Variants in EGFL6 observed in about 807,000 individuals in gnomAD.
EGFL6 encodes epidermal growth factor-like protein 6.
EGFL6 carries 42 observed loss-of-function variants against 43.1 expected under a neutral mutation model. That is an observed-to-expected ratio of 0.98 (90% confidence interval 0.76 to 1.26). The LOEUF (loss-of-function observed/expected upper bound fraction) is 1.26. EGFL6 is among the 50% of genes most tolerant of loss of function. EGFL6 has a pLI of 0.00. For missense variants in EGFL6, 429 were observed against 427.8 expected (o/e 1.00, Z -0.02); for synonymous variants, 164 against 163.2 (o/e 1.01, Z -0.04).
At chrX:13,580,878 A>G (rs1275943321) in intron 1 of EGFL6, among the ~76,000 whole-genome samples, 1 of 111,916 alleles carries the variant, frequency 8.9e-6, no homozygotes, top group Admixed American at 9.5e-5. Context: ...TCCATCTTCC[A>G]TCTTATATCA....
intron 6 of EGFL6, among the ~76,000 whole-genome samples, chrX:13,607,033 A>C (rs1246092041): frequency 2.7e-5 from 3 of 111,902 alleles, no homozygotes; most frequent in Non-Finnish European, 5.6e-5. Flanking sequence ...TCAAGCTCCA[A>C]ATATAATGTT....
Position 13,633,244 on chromosome X carries a change from G to C in EGFL6, c.*149G>C. The C allele has an allele frequency of 2.3e-6, 1 of 426,093 alleles. No individual in the cohort carries two copies. The allele number at this position is 426,093 out of a possible 1,213,427, so 35.1% of individuals were successfully genotyped here. ...ATTGTAAGATGCCTTTCTTGTATAA[G>C]ATATGCCAATATTTGCTTTAAATAT... On this transcript the variant is annotated 3_prime_UTR_variant, in exon 12 of 12. Transcript: ENST00000361306.
chrX:13,606,391 G>A lies in EGFL6; in HGVS notation c.533G>A (p.Cys178Tyr). 1 of 1,210,577 alleles carries A rather than the reference G, an allele frequency of 8.3e-7. No individual in the cohort carries two copies. Among genetic ancestry groups the A allele is most frequent in the Non-Finnish European group, 1.1e-6 (1 of 894,946 alleles). The change falls in exon 6 of 12, where the codon TGT becomes TAT. Residue 178 changes from cysteine (C) to tyrosine (Y), a missense_variant. Coordinates refer to ENST00000361306, the MANE Select transcript of EGFL6 (RefSeq NM_015507.4). ...TTTTACACCCTAGATATTGATGAAT[G>A]TGCCTCTGGTAAAGTCATCTGTCCC... ...NGRDCLDIDECASGKVICPYN... is the reference protein window; with the variant it reads ...NGRDCLDIDEYASGKVICPYN...
chrX:13,612,947 C>T lies in EGFL6; in HGVS notation c.778+4501C>T, dbSNP rs751352533. Among the ~76,000 whole-genome samples, 3 of 109,364 alleles carry T rather than the reference C, an allele frequency of 2.7e-5. No individual in the cohort carries two copies. In the East Asian group the frequency reaches 8.5e-4, roughly 31 times the overall value. 95.0% of individuals were successfully genotyped at this position (109,364 alleles called of 115,157 possible). On this transcript the variant is annotated intron_variant, in intron 7 of 11. Transcript: ENST00000361306. ...ATTGCCTGAGCTCAGGGGTGCAAGA[C>T]CAGCCTGGGCAACACGGTAAAACCC... is the stretch of plus-strand genomic sequence containing the variant.
chrX:13,629,782 T>C (rs1325116712), intron 11 of EGFL6, among the ~76,000 whole-genome samples: 2 of 111,919 alleles, frequency 1.8e-5, no homozygotes, highest in Non-Finnish European at 3.8e-5. Flanking sequence ...TAATCTTGGC[T>C]ATTTCCTCAT....
chrX:13,632,988 A>G lies in EGFL6; in HGVS notation c.1555A>G (p.Ile519Val). 3 of 1,207,886 alleles carry G rather than the reference A, an allele frequency of 2.5e-6. No individual in the cohort carries two copies. Among genetic ancestry groups the G allele is most frequent in the Non-Finnish European group, 3.4e-6 (3 of 893,606 alleles). The change falls in exon 12 of 12, where the codon ATT (isoleucine) becomes GTT (valine). Residue 519 changes from isoleucine to valine, a missense_variant. By Grantham distance (29) the Ile-to-Val change is conservative (BLOSUM62 3). Coordinates refer to ENST00000361306, the MANE Select transcript of EGFL6 (RefSeq NM_015507.4). ...TTTATTCTCTCTCCATTATTAGATC[A>G]TTTTTGAAGCAGAACGTGGCAAGGG... ...YQGTDATKSI[I>V]FEAERGKGKT...
chrX:13,577,296 TTTTATATA>T (rs1473719121), intron 1 of EGFL6, among the ~76,000 whole-genome samples: 2 of 6,240 alleles, frequency 3.2e-4, no homozygotes, highest in African/African-American at 4.6e-4. Context: ...TATATATGAA[TTTTATATA>T]TATATATATA....
chrX:13,574,317 A>G (rs1249182249), intron 1 of EGFL6, among the ~76,000 whole-genome samples: 1 of 112,093 alleles, frequency 8.9e-6, no homozygotes, highest in Admixed American at 9.4e-5. Context: ...GAGGCTGGTC[A>G]GGTTCCACAA....
At chrX:13,570,003 T>C in intron 1 of EGFL6, 68 bp downstream of exon 1, 1 of 1,017,381 alleles carries the variant, frequency 9.8e-7, no homozygotes, top group Non-Finnish European at 1.4e-6. Context: ...GGGCCCCATG[T>C]CTTTGCAGGC....
intron 1 of EGFL6, among the ~76,000 whole-genome samples, chrX:13,582,293 C>G (rs2045510951): frequency 1.8e-5 from 2 of 110,224 alleles, no homozygotes; most frequent in Non-Finnish European, 3.8e-5. Flanking sequence ...GATCTCCTAA[C>G]CTCTTGATCC....
chrX:13,577,298 TTATA>T (rs1199851773), intron 1 of EGFL6, among the ~76,000 whole-genome samples: 2,797 of 23,038 alleles, frequency 0.12, 63 homozygotes, highest in South Asian at 0.18. Context: ...TATATGAATT[TTATA>T]TATATATATA....
chrX:13,620,913 A>G (rs1569209542), intron 9 of EGFL6, among the ~76,000 whole-genome samples: 1 of 111,902 alleles, frequency 8.9e-6, no homozygotes, highest in Non-Finnish European at 1.9e-5. Flanking sequence ...ACATGACCAT[A>G]TGACCCTGTA....
chrX:13,623,869 A>G lies in EGFL6; in HGVS notation c.1229A>G (p.Asp410Gly). The G allele has an allele frequency of 8.3e-7, 1 of 1,209,561 alleles. No homozygotes were observed. The highest frequency in any genetic ancestry group is 1.1e-6 in the Non-Finnish European group (1 of 893,810). ...TGCAGCTTCAATCATGGGATCTGTG[A>G]CTGGAAACAGGATAGAGAAGATGAT... ...VDCSFNHGIC[D>G]WKQDREDDFD... The change falls in exon 10 of 12, where the codon GAC becomes GGC. Residue 410 changes from aspartate (D) to glycine (G), a missense_variant. Coordinates refer to ENST00000361306, the MANE Select transcript of EGFL6 (RefSeq NM_015507.4).
chrX:13,603,017 A>T (rs2045641978), intron 4 of EGFL6, among the ~76,000 whole-genome samples: 1 of 111,841 alleles, frequency 8.9e-6, no homozygotes, highest in Non-Finnish European at 1.9e-5. Context: ...AAGAGTGGCT[A>T]GAGCACACAC....
intron 10 of EGFL6, among the ~76,000 whole-genome samples, chrX:13,626,525 G>A (rs1414024001): frequency 2.7e-5 from 3 of 112,048 alleles, no homozygotes; most frequent in Non-Finnish European, 5.6e-5. Context: ...CATGGTAGTT[G>A]AGCTCCATGA....
intron 3 of EGFL6, among the ~76,000 whole-genome samples, chrX:13,598,614 G>A (rs987290871): frequency 9.2e-6 from 1 of 108,802 alleles, no homozygotes; most frequent in East Asian, 2.9e-4. Flanking sequence ...AAAGCACAGA[G>A]AAGAAAGTCA....
chrX:13,598,448 C>T (rs1035835685), intron 3 of EGFL6, among the ~76,000 whole-genome samples: 3 of 111,342 alleles, frequency 2.7e-5, no homozygotes, highest in East Asian at 2.8e-4. Context: ...ATATGAAACC[C>T]TCACATGACC....
At chrX:13,575,352 C>T (rs1241975598) in intron 1 of EGFL6, among the ~76,000 whole-genome samples, 3 of 111,718 alleles carry the variant, frequency 2.7e-5, no homozygotes, top group African/African-American at 9.8e-5. Flanking sequence ...ATCACTTGAA[C>T]CCAGGAGGCG....
At chrX:13,607,993 T>C (rs1396902941) in intron 6 of EGFL6, among the ~76,000 whole-genome samples, 6 of 112,629 alleles carry the variant, frequency 5.3e-5, no homozygotes, top group African/African-American at 1.9e-4. Flanking sequence ...GAATATAGAA[T>C]TGATTTTCTG....
Sources: gnomAD v4.1 joint callset for allele counts (sites outside exome capture counted in the v4.1 genomes callset) on GRCh38, gnomAD v4.1.1 for gene constraint, MANE v1.5 for transcripts, NCBI Gene and HGNC (gene_info 2026-07-23, HGNC 2026-07-21) for gene names.